Variants in OR52I2 observed in about 807,000 individuals in gnomAD.
The protein encoded by OR52I2 is olfactory receptor family 52 subfamily I member 2, also known as olfactory receptor 52I2.
For missense variants in OR52I2, 350 were observed against 402.4 expected (o/e 0.87, Z 1.11); for synonymous variants, 147 against 151.9 (o/e 0.97, Z 0.24).
rs144739660 is a variant in OR52I2 at position 4,587,235 on chromosome 11, G to T, written c.345G>T (p.Glu115Asp). 9.9e-6 allele frequency: 16 copies of T among 1,614,022 alleles called. No homozygotes were observed. In the African/African-American group the frequency reaches 1.5e-4, roughly 15 times the overall value. ...TTGTCCACTTAGCCACAGCTGTGGA[G>T]ACGGGGCTGCTGCTGACCATGGCTT... is the stretch of plus-strand genomic sequence containing the variant. The change falls in exon 2 of 2, where the codon GAG (glutamate) becomes GAT (aspartate). Residue 115 changes from glutamate (E) to aspartate (D), a missense_variant. Physicochemically the swap from Glu to Asp is conservative, Grantham distance 45. Transcript: ENST00000641896.
exon 2 of OR52I2, chr11:4,587,076 C>T: frequency 6.2e-7 from 1 of 1,614,110 alleles, no homozygotes; most frequent in Non-Finnish European, 8.5e-7. Context: ...GGCATGAGCC[C>T]ATGTATTGCT....
At chr11:4,584,708 T>C (rs1846286007) in intron 1 of OR52I2, among the ~76,000 whole-genome samples, 1 of 152,198 alleles carries the variant, frequency 6.6e-6, no homozygotes, top group South Asian at 2.1e-4. Flanking sequence ...AACTGATCTA[T>C]AATGGGACAG....
chr11:4,586,832 G>C (rs746820900), intron 1 of OR52I2, 40 bp from the exon 2 acceptor site: 2 of 1,613,184 alleles, frequency 1.2e-6, no homozygotes, highest in Non-Finnish European at 1.7e-6. Flanking sequence ...CAAATCTTAC[G>C]GGATTGCATT....
At chr11:4,586,938 C>T in exon 2 of OR52I2, 2 of 1,614,184 alleles carry the variant, frequency 1.2e-6, no homozygotes, top group East Asian at 2.2e-5. Context: ...CTGCCTCCTT[C>T]CTCCTTGTGG....
exon 2 of OR52I2, chr11:4,592,383 A>T (rs908473760): frequency 5.9e-5 from 9 of 152,132 alleles, no homozygotes; most frequent in African/African-American, 2.2e-4. Flanking sequence ...GCTTTTTGCC[A>T]CTTTGCTATC....
exon 2 of OR52I2, chr11:4,589,067 TG>T (rs1464843370): frequency 6.6e-6 from 1 of 152,194 alleles, no homozygotes; most frequent in Admixed American, 6.5e-5. Context: ...TCTGAAAACT[TG>T]AAGAAACAGA....
exon 2 of OR52I2, chr11:4,587,046 A>G: frequency 6.2e-7 from 1 of 1,614,086 alleles, no homozygotes; most frequent in South Asian, 1.1e-5. Flanking sequence ...TCGTGACTGC[A>G]ATCTGGATGG....
chr11:4,589,613 G>C (rs1846335791), exon 2 of OR52I2: 1 of 152,148 alleles, frequency 6.6e-6, no homozygotes, highest in Admixed American at 6.5e-5. Flanking sequence ...AGGTGGGAGA[G>C]AGAATGGGAC....
chr11:4,587,828 T>G (rs1253422808), exon 2 of OR52I2: 1 of 1,614,072 alleles, frequency 6.2e-7, no homozygotes, highest in Non-Finnish European at 8.5e-7. Flanking sequence ...AGTTATCTGA[T>G]GCATGTCCTC....
Position 4,587,832 on chromosome 11 carries a change from T to C in OR52I2, c.942T>C (p.His314=), listed in dbSNP as rs1186408858. ...AGAGAATATGGAGTTATCTGATGCA[T>C]GTCCTCTTTGACCATTCCAACCTGG... Residue 314 remains histidine (H), a synonymous_variant, in exon 2 of 2, where the codon CAT becomes CAC. Transcript: ENST00000641896. 11 of 1,614,070 alleles carry C rather than the reference T, an allele frequency of 6.8e-6. No homozygotes were observed. The Admixed American group carries it at 1.2e-4, about 17-fold the overall frequency.
chr11:4,587,882 G>A, exon 2 of OR52I2: 1 of 1,594,220 alleles, frequency 6.3e-7, no homozygotes, highest in Non-Finnish European at 8.6e-7. Context: ...TATCTGTTCA[G>A]ATCCAGCCAA....
At chr11:4,589,232 T>C (rs1368747981) in exon 2 of OR52I2, 1 of 152,194 alleles carries the variant, frequency 6.6e-6, no homozygotes, top group Non-Finnish European at 1.5e-5. Context: ...GCAGGATGAT[T>C]GAGTATCCAG....
chr11:4,584,332 G>A (rs550426934), intron 1 of OR52I2, among the ~76,000 whole-genome samples: 1 of 152,306 alleles, frequency 6.6e-6, no homozygotes, highest in Non-Finnish European at 1.5e-5. Context: ...TTAGAACCAT[G>A]AGGGTTTGAG....
chr11:4,587,526 C>T, exon 2 of OR52I2: 1 of 1,614,172 alleles, frequency 6.2e-7, no homozygotes, highest in East Asian at 2.2e-5. Context: ...TTATGGTGGG[C>T]TCTGATGTGG....
chr11:4,586,772 AC>A, intron 1 of OR52I2, 99 bp from the exon 2 acceptor site: 7 of 1,553,484 alleles, frequency 4.5e-6, no homozygotes, highest in Non-Finnish European at 6.2e-6. Context: ...TCCTGAGATT[AC>A]CACCAAGCTG....
chr11:4,582,495 A>G lies in OR52I2; in HGVS notation c.-20+631A>G, dbSNP rs1299404170. Among the ~76,000 whole-genome samples the G allele has an allele frequency of 1.6e-5, 2 of 122,734 alleles. 1 individual carries two copies. The highest frequency in any genetic ancestry group is 3.1e-5 in the Non-Finnish European group (2 of 63,526). The allele number at this position is 122,734 out of a possible 152,430, so 80.5% of individuals were successfully genotyped here. On this transcript the variant is annotated intron_variant, in intron 1 of 1. Transcript: ENST00000641896. ...CATTCTGTCATACAGGCTGGAGTGC[A>G]GTGGCATGATCTTGGCTCACTGCAG...
At chr11:4,592,146 TTTACTATA>T (rs1282825289) in exon 2 of OR52I2, 4 of 152,174 alleles carry the variant, frequency 2.6e-5, no homozygotes, top group Admixed American at 1.3e-4. Context: ...CGTCTTCTGT[TTTACTATA>T]TTATAGCTAT....
At chr11:4,585,849 T>C (rs1293823009) in intron 1 of OR52I2, among the ~76,000 whole-genome samples, 2 of 152,228 alleles carry the variant, frequency 1.3e-5, no homozygotes, top group African/African-American at 4.8e-5. Flanking sequence ...GAATGGATGT[T>C]TGATCTATTT....
chr11:4,587,411 G>C, exon 2 of OR52I2: 1 of 1,613,964 alleles, frequency 6.2e-7, no homozygotes, highest in Non-Finnish European at 8.5e-7. Context: ...CCTTTCTGTG[G>C]CTCCAATGTG....
Sources: allele counts gnomAD v4.1 joint callset (sites outside exome capture counted in the v4.1 genomes callset), GRCh38; gene constraint gnomAD v4.1.1; transcripts MANE v1.5; gene names NCBI Gene and HGNC (gene_info 2026-07-23, HGNC 2026-07-21).